The following DGKZ variants were observed in gnomAD, a reference collection of about 807,000 sequenced individuals.
The protein encoded by DGKZ is DAG kinase zeta.
A neutral mutation model predicts 142.5 loss-of-function variants in DGKZ; 45 were observed. That is an observed-to-expected ratio of 0.32 (90% CI 0.25 to 0.40). The LOEUF is 0.40. DGKZ is among the 10% of genes least tolerant of loss of function. The pLI is 1.00. For missense variants in DGKZ, 755 were observed against 1,306.5 expected, an observed-to-expected ratio of 0.58 and a Z score of 6.51; for synonymous variants, 442 against 527.0, an observed-to-expected ratio of 0.84 and a Z score of 2.21.
chr11:46,360,141 G>C (rs1942479679), intron 1 of DGKZ, among the ~76,000 whole-genome samples: 1 of 152,148 alleles, frequency 6.6e-6, no homozygotes, highest in Admixed American at 6.6e-5. Flanking sequence ...GGAGAATCCA[G>C]CTGCCTTCTA....
At chr11:46,374,345 C>CCACCCGGG in intron 15 of DGKZ, 54 bp from the exon 16 acceptor site, 8 of 1,613,342 alleles carry the variant, frequency 5.0e-6, no homozygotes, top group Non-Finnish European at 6.8e-6. Flanking sequence ...TCCCCCAACC[C>CCACCCGGG]CACCTGGGCA....
chr11:46,378,908 AC>A (rs1944879580), intron 27 of DGKZ, 82 bp from the exon 28 acceptor site: 3 of 1,485,440 alleles, frequency 2.0e-6, no homozygotes, highest in East Asian at 2.4e-5. Flanking sequence ...GTGCTGGTGT[AC>A]CCGGCTGTGG....
At position 46,375,833 on chromosome 11, in the gene DGKZ, G is replaced by A. The variant is rs1475917828; in HGVS notation, c.1911-18G>A. On this transcript the variant is annotated intron_variant, in intron 20 of 30. Transcript: ENST00000527911. ...CAGGGCCCTTGCTGAGCCCCCGCTTGCCGGCCCTGCCCGACAGCCAGCAGC... is the reference window on the plus strand; with the variant it reads ...CAGGGCCCTTGCTGAGCCCCCGCTTACCGGCCCTGCCCGACAGCCAGCAGC... 3 of 1,551,146 alleles carry A rather than the reference G, an allele frequency of 1.9e-6. No individual in the cohort carries two copies. The highest frequency in any genetic ancestry group is 2.6e-6 in the Non-Finnish European group (3 of 1,148,376).
chr11:46,351,732 C>T (rs1389955874), intron 1 of DGKZ, among the ~76,000 whole-genome samples: 1 of 152,180 alleles, frequency 6.6e-6, no homozygotes, highest in East Asian at 1.9e-4. Flanking sequence ...GAAAAATGGG[C>T]CTCAGTGGCC....
At chr11:46,344,611 G>A (rs536873082), upstream of DGKZ, among the ~76,000 whole-genome samples, 4 of 151,782 alleles carry the variant, frequency 2.6e-5, no homozygotes, top group African/African-American at 9.7e-5. Flanking sequence ...CTGCCACCAC[G>A]CCGGGCTAAT....
intron 1 of DGKZ, chr11:46,366,476 C>G: frequency 6.4e-7 from 1 of 1,568,528 alleles, no homozygotes; most frequent in South Asian, 1.2e-5. Flanking sequence ...CAGCCGCCGG[C>G]GCTCCAGCAC....
At chr11:46,378,010 C>A in intron 25 of DGKZ, 188 bp from the exon 26 acceptor site, 1 of 676,692 alleles carries the variant, frequency 1.5e-6, no homozygotes, top group Non-Finnish European at 2.6e-6. Context: ...AGAATGTAAG[C>A]TCCATGAGGG....
intron 1 of DGKZ, among the ~76,000 whole-genome samples, chr11:46,348,827 C>T (rs1941005294): frequency 6.6e-6 from 1 of 152,196 alleles, no homozygotes; most frequent in Non-Finnish European, 1.5e-5. Context: ...CTTGCCCTTC[C>T]CTGGTGGCCA....
At chr11:46,337,163 G>A (rs1940055065) in intron 1 of DGKZ, among the ~76,000 whole-genome samples, 1 of 152,166 alleles carries the variant, frequency 6.6e-6, no homozygotes, top group Admixed American at 6.5e-5. Context: ...TAAAGCCAGA[G>A]TGGGGCAAGG....
chr11:46,356,034 C>T (rs1346155831), intron 1 of DGKZ, among the ~76,000 whole-genome samples: 1 of 152,182 alleles, frequency 6.6e-6, no homozygotes, highest in African/African-American at 2.4e-5. Flanking sequence ...GCATGAGCCA[C>T]CCGCCCGGCC....
intron 1 of DGKZ, among the ~76,000 whole-genome samples, chr11:46,357,502 A>T (rs1942166302): frequency 6.6e-6 from 1 of 152,238 alleles, no homozygotes; most frequent in Admixed American, 6.5e-5. Flanking sequence ...GCCTGTGGTC[A>T]GCCGTTGCAT....
At chr11:46,339,400 T>A (rs1940170079) in intron 1 of DGKZ, among the ~76,000 whole-genome samples, 1 of 152,166 alleles carries the variant, frequency 6.6e-6, no homozygotes, top group Non-Finnish European at 1.5e-5. Context: ...AGAGGAAGCC[T>A]GGGGTCCATC....
upstream of DGKZ, among the ~76,000 whole-genome samples, chr11:46,346,654 C>CTG (rs1940647819): frequency 6.6e-6 from 1 of 152,052 alleles, no homozygotes; most frequent in Admixed American, 6.5e-5. Context: ...GGTGTGTGTT[C>CTG]TGTGTGGGCA....
chr11:46,351,701 G>C (rs1565009052), intron 1 of DGKZ, among the ~76,000 whole-genome samples: 2 of 152,158 alleles, frequency 1.3e-5, no homozygotes, highest in African/African-American at 4.8e-5. Context: ...AGAATCCTTG[G>C]GTTCCAGCAA....
chr11:46,345,420 C>T (rs1263196986), upstream of DGKZ: 6 of 1,443,752 alleles, frequency 4.2e-6, no homozygotes, highest in African/African-American at 1.5e-5. The surrounding 1 kb of genome is among the most constrained non-coding windows in gnomAD (Gnocchi z 4.1). Context: ...ATGAGCGCAC[C>T]GGGGGCTGGC....
At position 46,367,482 on chromosome 11, in the gene DGKZ, G is replaced by A; in HGVS notation, c.270+83G>A. On this transcript the variant is annotated intron_variant, in intron 2 of 30. Coordinates refer to ENST00000527911, the Ensembl canonical transcript of DGKZ. This position sits in a 1 kb window ranked among gnomAD's most constrained non-coding sequence, Gnocchi z 4.1. ...CTGGCGGGTGGAGGCACTAAAGGCA[G>A]CTGGGAGAGCCAAGCCTGGAAGGGT... The A allele has an allele frequency of 1.4e-6, 2 of 1,475,448 alleles. No homozygotes were observed. The highest frequency in any genetic ancestry group is 1.9e-5 in the Admixed American group (1 of 52,498). The allele number at this position is 1,475,448 out of a possible 1,614,324, so 91.4% of individuals were successfully genotyped here.
At chr11:46,370,497 A>G (rs1267698467) in intron 6 of DGKZ, among the ~76,000 whole-genome samples, 2 of 152,184 alleles carry the variant, frequency 1.3e-5, no homozygotes, top group Non-Finnish European at 2.9e-5. Context: ...TGCTTCACTG[A>G]TTCTCAGCGC....
intron 1 of DGKZ, among the ~76,000 whole-genome samples, chr11:46,336,989 C>A (rs192883332): frequency 6.6e-6 from 1 of 152,156 alleles, no homozygotes; most frequent in Admixed American, 6.5e-5. Flanking sequence ...CCACTGCACT[C>A]GAGGCTGGGA....
chr11:46,369,380 TG>T, intron 4 of DGKZ, 113 bp from the exon 5 acceptor site: 2 of 1,289,294 alleles, frequency 1.6e-6, no homozygotes, highest in Non-Finnish European at 1.1e-6. Flanking sequence ...CGTGACGATT[TG>T]GGGGTATCCC....
Sources: gnomAD v4.1 joint callset for allele counts (sites outside exome capture counted in the v4.1 genomes callset) on GRCh38, gnomAD v4.1.1 for gene constraint, Gnocchi (gnomAD v3.1) non-coding constraint, MANE v1.5 for transcripts, NCBI Gene and HGNC (gene_info 2026-07-23, HGNC 2026-07-21) for gene names.